MYH10: variants seen among roughly 807,000 people sequenced by gnomAD.
MYH10 encodes the protein myosin heavy chain 10, also known as myosin-10.
In MYH10, 55 loss-of-function variants were observed where a neutral mutation model predicts 257.8. The ratio of observed to expected loss-of-function variants is 0.21; its 90% CI spans 0.17 to 0.27. MYH10 has a LOEUF of 0.27. MYH10 is among the 10% of genes least tolerant of loss of function. MYH10 has a pLI of 1.00. For missense variants in MYH10, 1,631 were observed against 2,500.6 expected, an observed-to-expected ratio of 0.65 and a Z score of 7.42; for synonymous variants, 854 against 921.7, an observed-to-expected ratio of 0.93 and a Z score of 1.33.
intron 3 of MYH10, among the ~76,000 whole-genome samples, chr17:8,603,472 C>G (rs957788055): frequency 2.0e-5 from 3 of 152,156 alleles, no homozygotes; most frequent in Non-Finnish European, 2.9e-5. Context: ...GGAAACTCCC[C>G]TTCTATAGAA....
intron 6 of MYH10, among the ~76,000 whole-genome samples, chr17:8,574,976 C>A (rs898553085): frequency 2.6e-5 from 4 of 152,190 alleles, no homozygotes; most frequent in Non-Finnish European, 5.9e-5. Context: ...AACGAGTATT[C>A]TTCTAATATT....
intron 21 of MYH10, among the ~76,000 whole-genome samples, chr17:8,516,196 T>A (rs1014905422): frequency 6.6e-6 from 1 of 152,138 alleles, no homozygotes; most frequent in African/African-American, 2.4e-5. Flanking sequence ...TATCTCCGAG[T>A]GTTTGGAAAG....
At chr17:8,484,717 A>G (rs998873687) in intron 36 of MYH10, among the ~76,000 whole-genome samples, 1 of 152,242 alleles carries the variant, frequency 6.6e-6, no homozygotes, top group Admixed American at 6.5e-5. Context: ...GATCATCACA[A>G]TAAATGCTGA....
chr17:8,580,811 T>C (rs2083676940), intron 4 of MYH10, among the ~76,000 whole-genome samples: 1 of 152,170 alleles, frequency 6.6e-6, no homozygotes, highest in Non-Finnish European at 1.5e-5. Context: ...AGAGTCCATG[T>C]CCTTGTGGGG....
Position 8,547,612 on chromosome 17 carries a change from G to A in MYH10, c.1159+701C>T, listed in dbSNP as rs367569827. 1.6e-3 allele frequency among the ~76,000 whole-genome samples: 244 copies of A among 151,664 alleles called. 11 individuals are homozygous for A. In the South Asian group the frequency reaches 0.049, roughly 30 times the overall value. ...GCCTTCACCCGCCACAGTGGACTGC[G>A]GATGCCTCCATGAGGCAAGATAACT... On this transcript the variant is annotated intron_variant, in intron 11 of 42. Transcript: ENST00000360416.
At chr17:8,546,056 A>T (rs1363969381) in intron 12 of MYH10, among the ~76,000 whole-genome samples, 1 of 150,780 alleles carries the variant, frequency 6.6e-6, no homozygotes, top group African/African-American at 2.4e-5. Context: ...AATCACCTTT[A>T]AAAAAATTTT....
intron 7 of MYH10, among the ~76,000 whole-genome samples, chr17:8,568,738 T>C (rs1279804780): frequency 6.6e-6 from 1 of 152,036 alleles, no homozygotes; most frequent in African/African-American, 2.4e-5. Context: ...TCCGTTGTGT[T>C]GAATATGGGT....
intron 21 of MYH10, among the ~76,000 whole-genome samples, chr17:8,517,066 A>G (rs556691319): frequency 9.9e-4 from 151 of 152,254 alleles, no homozygotes; most frequent in African/African-American, 3.2e-3. Flanking sequence ...GCATGAACCC[A>G]GGAGGCGGAG....
rs1317449426 is a variant in MYH10 at position 8,521,266 on chromosome 17, C to T, written c.1977G>A (p.Leu659=). Reference sequence around the variant, plus strand: ...TCTCAGTCATACCAGTGACTTGATCCAGACCCACGATACGGTCCACTGGGG... The same window carrying T: ...TCTCAGTCATACCAGTGACTTGATCTAGACCCACGATACGGTCCACTGGGG... The part of the protein sequence containing the change: ...HEPPVDRIVG[L]DQVTGMTETA... Residue 659 remains leucine, a synonymous_variant, in exon 18 of 43, where the codon CTG becomes CTA. Transcript: ENST00000360416. The T allele has an allele frequency of 6.2e-7, 1 of 1,614,030 alleles. No homozygotes were observed. Among genetic ancestry groups the T allele is most frequent in the Admixed American group, 1.7e-5 (1 of 59,998 alleles).
chr17:8,565,115 A>G (rs1204455329), intron 7 of MYH10, among the ~76,000 whole-genome samples: 1 of 152,232 alleles, frequency 6.6e-6, no homozygotes, highest in Non-Finnish European at 1.5e-5. Flanking sequence ...TGTAAGACAT[A>G]AAGGAACAAA....
intron 34 of MYH10, among the ~76,000 whole-genome samples, chr17:8,491,968 C>T (rs551552628): frequency 6.6e-6 from 1 of 152,324 alleles, no homozygotes; most frequent in Admixed American, 6.5e-5. Context: ...TTGATAACTA[C>T]CTGTGACGGC....
chr17:8,501,966 C>T (rs890371738), intron 28 of MYH10, among the ~76,000 whole-genome samples: 1 of 152,120 alleles, frequency 6.6e-6, no homozygotes, highest in African/African-American at 2.4e-5. Context: ...ATCTGAGCAC[C>T]GTGTTTAAGC....
intron 28 of MYH10, among the ~76,000 whole-genome samples, chr17:8,503,992 C>A (rs2080991509): frequency 6.6e-6 from 1 of 152,192 alleles, no homozygotes; most frequent in African/African-American, 2.4e-5. Context: ...AGTGATGACA[C>A]CTATGAGTCC....
chr17:8,550,318 T>C (rs995151293), intron 9 of MYH10, among the ~76,000 whole-genome samples: 1 of 150,132 alleles, frequency 6.7e-6, no homozygotes, highest in Non-Finnish European at 1.5e-5. Context: ...TTCTGAGATG[T>C]GGGGAGCGCC....
chr17:8,553,981 T>C lies in MYH10; in HGVS notation c.794A>G (p.Tyr265Cys), dbSNP rs2082715711. Residue 265 changes from tyrosine to cysteine, a missense_variant, in exon 8 of 43, where the codon TAT becomes TGT. Physicochemically the swap from Tyr to Cys is radical, Grantham distance 194. Around this residue, in one of 11 missense-constraint regions of MYH10, gnomAD observed 360 missense variants for 581.9 expected, o/e 0.62. Transcript: ENST00000360416. Reference sequence around the variant, plus strand: ...TGTTTCAATGTTGGCCCCAACGATATAGCCAGTTACATCAAAGTTGATCCG... The same window carrying C: ...TGTTTCAATGTTGGCCCCAACGATACAGCCAGTTACATCAAAGTTGATCCG... ...FIRINFDVTG[Y>C]IVGANIETYL... is the part of the protein sequence containing the mutation. 1 of 1,613,462 alleles carries C rather than the reference T, an allele frequency of 6.2e-7. No individual in the cohort carries two copies. Among genetic ancestry groups the C allele is most frequent in the Non-Finnish European group, 8.5e-7 (1 of 1,179,600 alleles).
In MYH10 at chr17:8,504,586, G is replaced by T; in HGVS notation, c.3599+108C>A. 1 of 956,900 alleles carries T rather than the reference G, an allele frequency of 1.0e-6. No homozygotes were observed. Among genetic ancestry groups the T allele is most frequent in the Non-Finnish European group, 1.6e-6 (1 of 632,288 alleles). 59.3% of individuals were successfully genotyped at this position (956,900 alleles called of 1,614,324 possible). A position where few individuals can be genotyped will look rare whatever the true frequency, so the allele number is the denominator to read the frequency against. On this transcript the variant is annotated intron_variant, in intron 28 of 42. Coordinates refer to ENST00000360416, the MANE Select transcript of MYH10 (RefSeq NM_001256012.3). This position sits in a 1 kb window ranked among gnomAD's most constrained non-coding sequence, Gnocchi z 5.6. ...ATCACCGTTCCACCTGCCATCACAA[G>T]GAAAAGCACACCACCTCCCAAAGAT...
chr17:8,608,327 G>A (rs1307555196), intron 2 of MYH10, among the ~76,000 whole-genome samples: 1 of 152,160 alleles, frequency 6.6e-6, no homozygotes, highest in East Asian at 1.9e-4. Context: ...GGCACAACAG[G>A]GCCTAGATGA....
chr17:8,535,241 G>A lies in MYH10; in HGVS notation c.1894+146C>T, dbSNP rs573156537. 91 of 561,942 alleles carry A rather than the reference G, an allele frequency of 1.6e-4. No individual in the cohort carries two copies. Among genetic ancestry groups the A allele is most frequent in the African/African-American group, 1.0e-3 (56 of 53,700 alleles). The allele number at this position is 561,942 out of a possible 1,614,324, so 34.8% of individuals were successfully genotyped here. On this transcript the variant is annotated intron_variant, in intron 16 of 42. Transcript: ENST00000360416. The surrounding 1 kb of genome is among the most constrained non-coding windows in gnomAD (Gnocchi z 4.3). The stretch of plus-strand genomic sequence containing the variant: ...AGTATTGTTAAAACGGATAAATTCC[G>A]ATATAACGGCAGCCCTGCTCTAGGG...
chr17:8,610,297 TG>T (rs1421297846), intron 2 of MYH10, among the ~76,000 whole-genome samples: 7 of 28,484 alleles, frequency 2.5e-4, no homozygotes, highest in Non-Finnish European at 3.9e-4. Context: ...AAAAAAGGGT[TG>T]GGGGAAGCGG....
Sources: allele counts gnomAD v4.1 joint callset (sites outside exome capture counted in the v4.1 genomes callset), GRCh38; gene constraint gnomAD v4.1.1; regional missense constraint gnomAD v4.1.1; non-coding constraint Gnocchi (gnomAD v3.1); transcripts MANE v1.5; gene names NCBI Gene and HGNC (gene_info 2026-07-23, HGNC 2026-07-21).